The following INPP5A variants were observed in gnomAD, a reference collection of about 807,000 sequenced individuals.
The protein encoded by INPP5A is 43 kDa inositol polyphosphate 5-phophatase.
Under a neutral mutation model 65.2 loss-of-function variants are expected in INPP5A, and 14 were observed. The ratio of observed to expected loss-of-function variants is 0.21; its 90% CI spans 0.14 to 0.34. INPP5A has a LOEUF of 0.34. Among genes scored for constraint, INPP5A ranks in the 10% least tolerant of loss-of-function variants. The probability of loss-of-function intolerance (pLI) is 1.00; values close to 1 mark genes in which losing one functional copy is unlikely to be tolerated. For synonymous variants in INPP5A, 207 were observed against 208.3 expected (o/e 0.99, Z 0.05); for missense variants, 431 against 545.6 (o/e 0.79, Z 2.09).
At chr10:132,602,771 C>T (rs943740936) in intron 1 of INPP5A, among the ~76,000 whole-genome samples, 5 of 152,186 alleles carry the variant, frequency 3.3e-5, no homozygotes, top group South Asian at 2.1e-4. Context: ...TAGTGATGAG[C>T]GCGGGCATCC....
chr10:132,755,519 CGAGT>C (rs987169617), intron 11 of INPP5A, among the ~76,000 whole-genome samples: 8 of 106,316 alleles, frequency 7.5e-5, no homozygotes, highest in Admixed American at 2.0e-4. Context: ...CAGGTGTGAG[CGAGT>C]GTGTGAGCAG....
chr10:132,749,360 C>A lies in INPP5A; in HGVS notation c.733-157C>A, dbSNP rs369669302. ...TCGCACGTGTGAGGGTCGGCTGTTG[C>A]GGGAGTGGCCCCTGACCCCAGGTGC... On this transcript the variant is annotated intron_variant, in intron 9 of 15. Transcript: ENST00000368594. 5.3e-5 allele frequency among the ~76,000 whole-genome samples: 8 copies of A among 151,766 alleles called. No homozygotes were observed. The East Asian group carries it at 5.8e-4, about 11-fold the overall frequency.
rs544089251 is a variant in INPP5A, at chr10:132,678,555, G to T, written c.307-11837G>T. ...ACCTGAGCTGAGGGTTCTGTCCAGC[G>T]GTCCTGAGCTGCTGCTGCTCAGCCG... On this transcript the variant is annotated intron_variant, in intron 4 of 15. Transcript: ENST00000368594. The surrounding 1 kb of genome is among the most constrained non-coding windows in gnomAD (Gnocchi z 4.1). Among the ~76,000 whole-genome samples, 2 of 152,244 alleles carry T rather than the reference G, an allele frequency of 1.3e-5. No individual in the cohort carries two copies. Among genetic ancestry groups the T allele is most frequent in the East Asian group, 3.9e-4 (2 of 5,176 alleles).
chr10:132,607,181 G>A (rs893584086), intron 1 of INPP5A, among the ~76,000 whole-genome samples: 2 of 152,216 alleles, frequency 1.3e-5, no homozygotes, highest in African/African-American at 2.4e-5. Context: ...CGGTCAGGGT[G>A]GAGAGCGACT....
chr10:132,608,460 C>A (rs2071892446), intron 2 of INPP5A, among the ~76,000 whole-genome samples: 1 of 152,224 alleles, frequency 6.6e-6, no homozygotes. Flanking sequence ...TTTATGGAGC[C>A]CGGTACTGTG....
intron 2 of INPP5A, among the ~76,000 whole-genome samples, chr10:132,628,466 G>C (rs1022630771): frequency 1.5e-5 from 2 of 134,030 alleles, no homozygotes; most frequent in East Asian, 2.2e-4. Context: ...CTGGTGGCGG[G>C]GGGGGGGGGG....
At chr10:132,654,394 G>T (rs1326345268) in intron 4 of INPP5A, among the ~76,000 whole-genome samples, 1 of 152,248 alleles carries the variant, frequency 6.6e-6, no homozygotes. Flanking sequence ...TGCCAAGCTG[G>T]TGCCAGGCGG....
chr10:132,644,332 G>A lies in INPP5A; in HGVS notation c.118-1536G>A, dbSNP rs1006823503. ...TGCCGCTGCCACCTGCAGCACAGACGGAGCCTGTGCACGGGGCCTGGTCAG... is the reference window on the plus strand; with the variant it reads ...TGCCGCTGCCACCTGCAGCACAGACAGAGCCTGTGCACGGGGCCTGGTCAG... On this transcript the variant is annotated intron_variant, in intron 2 of 15. Transcript: ENST00000368594. The surrounding 1 kb of genome is among the most constrained non-coding windows in gnomAD (Gnocchi z 6.5). Among the ~76,000 whole-genome samples the A allele has an allele frequency of 5.3e-5, 8 of 152,240 alleles. No homozygotes were observed. Among genetic ancestry groups the A allele is most frequent in the South Asian group, 2.1e-4 (1 of 4,822 alleles).
intron 4 of INPP5A, among the ~76,000 whole-genome samples, chr10:132,654,101 C>T (rs1304703799): frequency 6.6e-6 from 1 of 152,240 alleles, no homozygotes; most frequent in African/African-American, 2.4e-5. Context: ...CTCCAGTCAC[C>T]CTCACGATGA....
At chr10:132,572,295 C>T (rs1166540136) in intron 1 of INPP5A, among the ~76,000 whole-genome samples, 1 of 152,210 alleles carries the variant, frequency 6.6e-6, no homozygotes, top group Non-Finnish European at 1.5e-5. Context: ...CCCCTGGTGG[C>T]AAGATGCCCC....
At chr10:132,759,895 G>A (rs202188757) in intron 11 of INPP5A, among the ~76,000 whole-genome samples, 2 of 152,130 alleles carry the variant, frequency 1.3e-5, no homozygotes, top group African/African-American at 2.4e-5. Flanking sequence ...GCGCAGTCCC[G>A]TGCTCACTGT....
At position 132,546,850 on chromosome 10, in the gene INPP5A, C is replaced by T. The variant is rs1024354623; in HGVS notation, c.75+8679C>T. Among the ~76,000 whole-genome samples, 11 of 152,214 alleles carry T rather than the reference C, an allele frequency of 7.2e-5. No homozygotes were observed. Among genetic ancestry groups the T allele is most frequent in the Non-Finnish European group, 1.5e-5 (1 of 68,042 alleles). On this transcript the variant is annotated intron_variant, in intron 1 of 15. Coordinates refer to ENST00000368594, the MANE Select transcript of INPP5A (RefSeq NM_005539.5). This position sits in a 1 kb window ranked among gnomAD's most constrained non-coding sequence, Gnocchi z 5.7. ...CCTGCCTGGCTGGTCTTGCCTGGCC[C>T]TGCTTTTGGTCCTGTAGGCACCAGG...
At chr10:132,745,373 A>G (rs1250171481) in intron 9 of INPP5A, among the ~76,000 whole-genome samples, 6 of 152,108 alleles carry the variant, frequency 3.9e-5, no homozygotes, top group Admixed American at 2.0e-4. Context: ...GAGTGTGTTG[A>G]CCACCAGGGA....
rs192700406 is a variant in INPP5A at position 132,583,495 on chromosome 10, T to C, written c.76-24420T>C. Among the ~76,000 whole-genome samples, 292 of 152,246 alleles carry C rather than the reference T, an allele frequency of 1.9e-3. 2 individuals carry two copies. Among genetic ancestry groups the C allele is most frequent in the African/African-American group, 6.8e-3 (282 of 41,550 alleles). ...CATGCTCTTCCTTTCGGGGAAAGTATTGAGTGGTTCACCAGTAAGGATGTG... is the reference window on the plus strand; with the variant it reads ...CATGCTCTTCCTTTCGGGGAAAGTACTGAGTGGTTCACCAGTAAGGATGTG... On this transcript the variant is annotated intron_variant, in intron 1 of 15. Coordinates refer to ENST00000368594, the MANE Select transcript of INPP5A (RefSeq NM_005539.5).
Position 132,663,857 on chromosome 10 carries a change from G to A in INPP5A, c.306+13352G>A, listed in dbSNP as rs1253339233. On this transcript the variant is annotated intron_variant, in intron 4 of 15. Transcript: ENST00000368594. The surrounding 1 kb of genome is among the most constrained non-coding windows in gnomAD (Gnocchi z 4.5). ...CTCACATCATTCCTCTCCCCCTGTC[G>A]CCGGGTGGGAAATCCGTAACAGGCT... 2.0e-5 allele frequency among the ~76,000 whole-genome samples: 3 copies of A among 152,188 alleles called. No individual in the cohort carries two copies. The highest frequency in any genetic ancestry group is 4.4e-5 in the Non-Finnish European group (3 of 68,040).
At chr10:132,543,400 A>C (rs1056471231) in intron 1 of INPP5A, among the ~76,000 whole-genome samples, 1 of 151,784 alleles carries the variant, frequency 6.6e-6, no homozygotes, top group Non-Finnish European at 1.5e-5. Context: ...TCAGTCCTGC[A>C]TTTCTTCCTT....
At chr10:132,615,563 C>T (rs919723337) in intron 2 of INPP5A, among the ~76,000 whole-genome samples, 5 of 152,284 alleles carry the variant, frequency 3.3e-5, no homozygotes, top group Non-Finnish European at 4.4e-5. Context: ...TTGGTTTGAC[C>T]GAAGGGGTGG....
At chr10:132,556,533 T>C (rs1037797215) in intron 1 of INPP5A, among the ~76,000 whole-genome samples, 1 of 152,124 alleles carries the variant, frequency 6.6e-6, no homozygotes. Context: ...GGTGCATATG[T>C]ACACACCATA....
In INPP5A at chr10:132,546,541, T is replaced by G. The variant is rs1590818829; in HGVS notation, c.75+8370T>G. 1.3e-5 allele frequency among the ~76,000 whole-genome samples: 2 copies of G among 151,868 alleles called. No homozygotes were observed. Among genetic ancestry groups the G allele is most frequent in the Admixed American group, 1.3e-4 (2 of 15,258 alleles). On this transcript the variant is annotated intron_variant, in intron 1 of 15. Coordinates refer to ENST00000368594, the MANE Select transcript of INPP5A (RefSeq NM_005539.5). The surrounding 1 kb of genome is among the most constrained non-coding windows in gnomAD (Gnocchi z 5.7). ...TGGTTGCTGTGTCGGGGGGCCGTGC[T>G]CCCCCTTCTCTCTTGGAAGGTGTAA...
Sources: allele counts gnomAD v4.1 joint callset (sites outside exome capture counted in the v4.1 genomes callset), GRCh38; gene constraint gnomAD v4.1.1; non-coding constraint Gnocchi (gnomAD v3.1); transcripts MANE v1.5; gene names NCBI Gene and HGNC (gene_info 2026-07-23, HGNC 2026-07-21).